Variants in DPP6 observed in about 807,000 individuals in gnomAD.
The protein encoded by DPP6 is dipeptidyl peptidase like 6.
A neutral mutation model predicts 122.6 loss-of-function variants in DPP6; 69 were observed. That is an observed-to-expected ratio of 0.56 (90% CI 0.46 to 0.69). The LOEUF is 0.69. Ranked by LOEUF, DPP6 falls within the 30% of genes least tolerant of loss-of-function variation. The pLI is 0.00. For missense variants in DPP6, 928 were observed against 1,116.9 expected, an observed-to-expected ratio of 0.83 and a Z score of 2.41; for synonymous variants, 418 against 433.1, an observed-to-expected ratio of 0.97 and a Z score of 0.43.
the DPP6 span, among the ~76,000 whole-genome samples, chr7:153,787,241 C>A: frequency 3.4e-5 from 5 of 145,156 alleles, 1 homozygote; most frequent in Non-Finnish European, 7.6e-5. Context: ...TGAGCCACTG[C>A]GCCCGGCCAC....
chr7:154,569,731 TAAAA>T (rs60394462), intron 5 of DPP6, among the ~76,000 whole-genome samples: 1 of 142,332 alleles, frequency 7.0e-6, no homozygotes. Context: ...ACCACTGCAC[TAAAA>T]AAAAAAAAAA....
At chr7:154,402,553 A>T (rs555829715) in intron 1 of DPP6, among the ~76,000 whole-genome samples, 7,346 of 143,584 alleles carry the variant, frequency 0.051, 537 homozygotes, top group African/African-American at 0.18. Flanking sequence ...AACAATGAGA[A>T]CACATGGACA....
intron 1 of DPP6, among the ~76,000 whole-genome samples, chr7:154,194,153 C>T (rs1798747871): frequency 6.6e-6 from 1 of 152,116 alleles, no homozygotes; most frequent in Non-Finnish European, 1.5e-5. Flanking sequence ...TGAAACCCGT[C>T]CCATTTCCAG....
At chr7:154,527,146 T>C (rs1827471048) in intron 3 of DPP6, among the ~76,000 whole-genome samples, 1 of 152,232 alleles carries the variant, frequency 6.6e-6, no homozygotes, top group African/African-American at 2.4e-5. Flanking sequence ...ATCTGTTTGT[T>C]TTTTAAGTAT....
At chr7:154,330,511 C>T (rs1317326645) in intron 1 of DPP6, among the ~76,000 whole-genome samples, 2 of 152,102 alleles carry the variant, frequency 1.3e-5, no homozygotes, top group Admixed American at 6.6e-5. Context: ...CTCTTTGGGG[C>T]GGGCAAGCAT....
intron 1 of DPP6, among the ~76,000 whole-genome samples, chr7:154,073,821 C>T (rs1223982331): frequency 6.6e-6 from 1 of 152,120 alleles, no homozygotes; most frequent in Non-Finnish European, 1.5e-5. Context: ...CCCATCTCTA[C>T]TAAAAATACA....
At chr7:153,928,696 T>G (rs1801037159) in intron 1 of DPP6, among the ~76,000 whole-genome samples, 1 of 152,130 alleles carries the variant, frequency 6.6e-6, no homozygotes, top group Non-Finnish European at 1.5e-5. Context: ...GCCCCACCTT[T>G]TAATACCATC....
At chr7:154,660,537 A>G (rs1413464317) in intron 6 of DPP6, among the ~76,000 whole-genome samples, 1 of 145,394 alleles carries the variant, frequency 6.9e-6, no homozygotes, top group Non-Finnish European at 1.5e-5. Flanking sequence ...TATTGGCGCT[A>G]GTGTTCATAT....
At chr7:154,731,485 G>A (rs1025676800) in intron 8 of DPP6, among the ~76,000 whole-genome samples, 1 of 152,222 alleles carries the variant, frequency 6.6e-6, no homozygotes, top group Non-Finnish European at 1.5e-5. Context: ...CACACAAAGT[G>A]GGAAAAGCTC....
At chr7:154,564,802 A>G (rs2130510893) in intron 4 of DPP6, among the ~76,000 whole-genome samples, 1 of 152,356 alleles carries the variant, frequency 6.6e-6, no homozygotes, top group East Asian at 1.9e-4. Flanking sequence ...TCTCAGGCAT[A>G]GTGGCAGAAG....
At chr7:154,719,884 G>C (rs905654716) in intron 7 of DPP6, among the ~76,000 whole-genome samples, 1 of 152,192 alleles carries the variant, frequency 6.6e-6, no homozygotes, top group African/African-American at 2.4e-5. Context: ...CAGCATCAAC[G>C]TGAAGGCCTC....
At chr7:154,089,641 G>A (rs1804665658) in intron 1 of DPP6, among the ~76,000 whole-genome samples, 2 of 135,464 alleles carry the variant, frequency 1.5e-5, no homozygotes, top group African/African-American at 2.7e-5. Flanking sequence ...GACAACATCC[G>A]TGACCCACAA....
chr7:153,792,439 T>C, the DPP6 span, among the ~76,000 whole-genome samples: 1 of 152,228 alleles, frequency 6.6e-6, no homozygotes, highest in Admixed American at 6.5e-5. Flanking sequence ...AATATTTATT[T>C]CTTAAGTGCT....
At chr7:154,653,017 C>T (rs893948843) in intron 6 of DPP6, among the ~76,000 whole-genome samples, 3 of 152,172 alleles carry the variant, frequency 2.0e-5, no homozygotes, top group Admixed American at 2.0e-4. Flanking sequence ...CTACAGTGTT[C>T]CCCTGTCTCC....
At chr7:154,506,319 G>A (rs531381379) in intron 3 of DPP6, among the ~76,000 whole-genome samples, 2 of 152,124 alleles carry the variant, frequency 1.3e-5, no homozygotes, top group South Asian at 2.1e-4. Flanking sequence ...ATGCTCTCAA[G>A]AATTTTCAGT....
chr7:154,272,847 C>T (rs1324998780), intron 1 of DPP6, among the ~76,000 whole-genome samples: 1 of 152,172 alleles, frequency 6.6e-6, no homozygotes, highest in Non-Finnish European at 1.5e-5. Flanking sequence ...CTTCTGTTCA[C>T]CCTCACAGCC....
chr7:154,358,948 C>T (rs764080985), intron 1 of DPP6, among the ~76,000 whole-genome samples: 1 of 152,194 alleles, frequency 6.6e-6, no homozygotes, highest in African/African-American at 2.4e-5. Flanking sequence ...TCAGGTGATC[C>T]ACCTGCCTCG....
chr7:154,523,209 C>G (rs955576041), intron 3 of DPP6, among the ~76,000 whole-genome samples: 1 of 152,164 alleles, frequency 6.6e-6, no homozygotes, highest in Non-Finnish European at 1.5e-5. Flanking sequence ...TGTGGTCTTT[C>G]TAACTCGTTC....
chr7:154,263,395 A>C (rs1803163091), intron 1 of DPP6, among the ~76,000 whole-genome samples: 1 of 152,226 alleles, frequency 6.6e-6, no homozygotes, highest in African/African-American at 2.4e-5. Context: ...AGCAGTTTTT[A>C]ATTCCATAGC....
Sources: allele counts gnomAD v4.1 joint callset (sites outside exome capture counted in the v4.1 genomes callset), GRCh38; gene constraint gnomAD v4.1.1; transcripts MANE v1.5; gene names NCBI Gene and HGNC (gene_info 2026-07-23, HGNC 2026-07-21).